The following DAB1 variants were observed in gnomAD, a reference collection of about 807,000 sequenced individuals.
DAB1 encodes DAB adaptor protein 1, also known as disabled homolog 1.
Under a neutral mutation model 64.6 loss-of-function variants are expected in DAB1, and 15 were observed. That is an observed-to-expected ratio of 0.23 (90% CI 0.16 to 0.36). The LOEUF (loss-of-function observed/expected upper bound fraction) is 0.36, where lower values mean the gene tolerates loss of function less well. DAB1 is among the 10% of genes least tolerant of loss of function. The pLI, the probability that DAB1 is intolerant of heterozygous loss-of-function variation, is 1.00. For synonymous variants in DAB1, 235 were observed against 251.9 expected (o/e 0.93, Z 0.64); for missense variants, 596 against 706.7 (o/e 0.84, Z 1.78).
At chr1:58,172,469 G>C (rs373916895) in intron 4 of DAB1, among the ~76,000 whole-genome samples, 1 of 152,192 alleles carries the variant, frequency 6.6e-6, no homozygotes, top group East Asian at 1.9e-4. Context: ...ATGGCTATCA[G>C]ACAACTGCCT....
intron 5 of DAB1, among the ~76,000 whole-genome samples, chr1:58,006,899 T>C (rs919022628): frequency 3.9e-5 from 6 of 152,242 alleles, no homozygotes; most frequent in Non-Finnish European, 8.8e-5. Flanking sequence ...GTCTTAAATC[T>C]GGCCTTAATG....
At chr1:58,461,233 G>A (rs1244604896) in intron 3 of DAB1, among the ~76,000 whole-genome samples, 1 of 152,074 alleles carries the variant, frequency 6.6e-6, no homozygotes, top group Non-Finnish European at 1.5e-5. Flanking sequence ...TAAAATATTA[G>A]TACAGAAGTT....
intron 1 of DAB1, among the ~76,000 whole-genome samples, chr1:57,357,973 A>G (rs1679257385): frequency 6.6e-6 from 1 of 152,024 alleles, no homozygotes; most frequent in South Asian, 2.1e-4. Flanking sequence ...ACGGAAAAAC[A>G]CTATTGATTT....
At chr1:58,061,100 C>T (rs530061537) in intron 5 of DAB1, among the ~76,000 whole-genome samples, 2 of 152,312 alleles carry the variant, frequency 1.3e-5, no homozygotes, top group South Asian at 2.1e-4. Flanking sequence ...GGCTCAGGAA[C>T]GTCCTCACTG....
chr1:57,493,141 T>C (rs1049868744), intron 7 of DAB1, among the ~76,000 whole-genome samples: 2 of 151,998 alleles, frequency 1.3e-5, no homozygotes, highest in African/African-American at 4.8e-5. Flanking sequence ...TGTGTGTGTG[T>C]GTGTGTGGCA....
chr1:57,215,739 T>C (rs1355133414), intron 2 of DAB1, among the ~76,000 whole-genome samples: 1 of 152,208 alleles, frequency 6.6e-6, no homozygotes, highest in Non-Finnish European at 1.5e-5. Context: ...CCTCCCCAAC[T>C]AGACTTAGGC....
chr1:57,058,388 C>T (rs1650048269), intron 9 of DAB1, among the ~76,000 whole-genome samples: 1 of 152,186 alleles, frequency 6.6e-6, no homozygotes, highest in Non-Finnish European at 1.5e-5. Flanking sequence ...AGCTTTGAGT[C>T]TATAGGCATT....
At chr1:57,764,097 A>C (rs1002587750) in intron 6 of DAB1, among the ~76,000 whole-genome samples, 3 of 152,146 alleles carry the variant, frequency 2.0e-5, no homozygotes, top group African/African-American at 7.2e-5. Context: ...ACCTTGACCA[A>C]GGGCACAAAG....
intron 6 of DAB1, among the ~76,000 whole-genome samples, chr1:57,747,462 G>A (rs1309985796): frequency 6.6e-6 from 1 of 152,138 alleles, no homozygotes; most frequent in South Asian, 2.1e-4. Flanking sequence ...AGAAAGAAGT[G>A]TATCAGCACA....
chr1:57,300,025 T>A (rs1397723529), intron 1 of DAB1, among the ~76,000 whole-genome samples: 2 of 152,124 alleles, frequency 1.3e-5, no homozygotes, highest in Non-Finnish European at 2.9e-5. Flanking sequence ...CAGCTGCGTG[T>A]CTGTCTCCCC....
chr1:58,502,797 T>A (rs1034945538), intron 3 of DAB1, among the ~76,000 whole-genome samples: 1 of 152,220 alleles, frequency 6.6e-6, no homozygotes, highest in Admixed American at 6.5e-5. Context: ...AACCACTGAG[T>A]TATTCCCAAT....
chr1:58,035,306 C>T lies in DAB1; in HGVS notation n.387+115205G>A, dbSNP rs564410618. 7.9e-5 allele frequency among the ~76,000 whole-genome samples: 12 copies of T among 152,340 alleles called. No homozygotes were observed. The East Asian group carries it at 1.7e-3, about 22-fold the overall frequency. ...CTGGAACAATAAGAGCTATGCCCAA[C>T]GGGCCCTCCCTTAATTGCGGAATCA... On this transcript the variant is annotated intron_variant and non_coding_transcript_variant, in intron 5 of 20. Transcript: ENST00000485760.
rs551459501 is a variant in DAB1 at position 58,418,261 on chromosome 1, AT to A, written n.258-74859del. Among the ~76,000 whole-genome samples, 648 of 152,234 alleles carry A rather than the reference AT, an allele frequency of 4.3e-3. 5 individuals carry two copies. Among genetic ancestry groups the A allele is most frequent in the African/African-American group, 0.015 (603 of 41,520 alleles). On this transcript the variant is annotated intron_variant and non_coding_transcript_variant, in intron 3 of 20. Transcript: ENST00000485760. ...AATTGCTAATTCAGCTAAACTAAAT[AT>A]TTTTTCTCTTAAGCAAGAGAATTTA...
At chr1:58,163,013 C>G (rs1413269020) in intron 4 of DAB1, among the ~76,000 whole-genome samples, 2 of 152,120 alleles carry the variant, frequency 1.3e-5, no homozygotes, top group Non-Finnish European at 2.9e-5. Context: ...CTACAACACA[C>G]GAGACACCAT....
At chr1:58,412,341 G>A (rs570508223) in intron 3 of DAB1, among the ~76,000 whole-genome samples, 2 of 151,688 alleles carry the variant, frequency 1.3e-5, no homozygotes, top group East Asian at 3.9e-4. Context: ...GGACTTCTCA[G>A]TTATGTAACC....
chr1:57,819,205 A>G (rs1345847113), intron 6 of DAB1, among the ~76,000 whole-genome samples: 1 of 152,252 alleles, frequency 6.6e-6, no homozygotes, highest in African/African-American at 2.4e-5. Flanking sequence ...GTTTGTGTAG[A>G]AAGATTTTAT....
At chr1:57,527,378 C>T (rs1432910829) in intron 7 of DAB1, among the ~76,000 whole-genome samples, 1 of 152,124 alleles carries the variant, frequency 6.6e-6, no homozygotes, top group Non-Finnish European at 1.5e-5. Flanking sequence ...AATCTTCATG[C>T]ACCAGGTACT....
intron 5 of DAB1, among the ~76,000 whole-genome samples, chr1:57,973,876 T>A (rs772459779): frequency 1.3e-5 from 2 of 152,160 alleles, no homozygotes; most frequent in African/African-American, 4.8e-5. Context: ...ATACCCAGCA[T>A]AGTCTTTCAA....
At chr1:57,755,949 A>G (rs1178737286) in intron 6 of DAB1, among the ~76,000 whole-genome samples, 2 of 152,200 alleles carry the variant, frequency 1.3e-5, no homozygotes, top group Non-Finnish European at 2.9e-5. Context: ...GCTTTGTGCA[A>G]TGAGGTAGGA....
Sources: allele counts gnomAD v4.1 joint callset (sites outside exome capture counted in the v4.1 genomes callset), GRCh38; gene constraint gnomAD v4.1.1; transcripts MANE v1.5; gene names NCBI Gene and HGNC (gene_info 2026-07-23, HGNC 2026-07-21).